TRAPPC8: variants seen among roughly 807,000 people sequenced by gnomAD.
TRAPPC8 encodes trafficking protein particle complex subunit 8.
In TRAPPC8, 54 loss-of-function variants were observed where a neutral mutation model predicts 174.3. The observed-to-expected ratio is 0.31, with a 90% confidence interval of 0.25 to 0.39. The LOEUF (loss-of-function observed/expected upper bound fraction) is 0.39, where lower values mean the gene tolerates loss of function less well. Among genes scored for constraint, TRAPPC8 ranks in the 10% least tolerant of loss-of-function variants. The probability of loss-of-function intolerance (pLI) is 1.00; values close to 1 mark genes in which losing one functional copy is unlikely to be tolerated. For synonymous variants in TRAPPC8, 630 were observed against 579.9 expected, an observed-to-expected ratio of 1.09 and a Z score of -1.24; for missense variants, 1,531 against 1,699.1, an observed-to-expected ratio of 0.90 and a Z score of 1.74.
Position 31,849,704 on chromosome 18 carries a change from A to G in TRAPPC8, c.3597T>C (p.Phe1199=). 2.5e-6 allele frequency: 4 copies of G among 1,610,896 alleles called. No homozygotes were observed. The highest frequency in any genetic ancestry group is 3.4e-6 in the Non-Finnish European group (4 of 1,178,408). Residue 1199 remains phenylalanine (F), a synonymous_variant, in exon 25 of 29, where the codon TTT becomes TTC. Coordinates refer to ENST00000283351, the MANE Select transcript of TRAPPC8 (RefSeq NM_014939.5). ...TCAATTCAGAAGATAAACTTCGATA[A>G]AAGAAGTCTGCACATGGGCTTGCTG... ...ISSASPCADF[F]YRSLSSELKK...
intron 1 of TRAPPC8, among the ~76,000 whole-genome samples, chr18:31,938,956 T>G (rs2038213474): frequency 6.6e-6 from 1 of 152,044 alleles, no homozygotes; most frequent in Non-Finnish European, 1.5e-5. Context: ...GGCACGAGCC[T>G]GTAGTCCCAG....
At chr18:31,872,173 C>T (rs1476770497) in intron 14 of TRAPPC8, among the ~76,000 whole-genome samples, 1 of 152,000 alleles carries the variant, frequency 6.6e-6, no homozygotes, top group Non-Finnish European at 1.5e-5. Flanking sequence ...TTAGCTCCAA[C>T]CCCAGTTATC....
At position 31,857,159 on chromosome 18, in the gene TRAPPC8, A is replaced by T. The variant is rs2034065386; in HGVS notation, c.3188+381T>A. On this transcript the variant is annotated intron_variant, in intron 20 of 28. Transcript: ENST00000283351. The stretch of plus-strand genomic sequence containing the variant: ...GGAACACTAGGGAAAAGGTAAAACA[A>T]AACAATTTTCTTAAAAAAGGATGAC... 2.0e-5 allele frequency among the ~76,000 whole-genome samples: 3 copies of T among 152,134 alleles called. No individual in the cohort carries two copies. The South Asian group carries it at 6.2e-4, about 31-fold the overall frequency.
intron 1 of TRAPPC8, among the ~76,000 whole-genome samples, chr18:31,936,871 C>CAGTCTGG (rs1461003048): frequency 7.9e-6 from 1 of 127,062 alleles, no homozygotes; most frequent in Non-Finnish European, 1.6e-5. Context: ...GACGGCACTG[C>CAGTCTGG]AGTCTGGGTG....
At chr18:31,867,591 G>GATACAGC in intron 16 of TRAPPC8, 115 bp from the exon 17 acceptor site, 2 of 580,924 alleles carry the variant, frequency 3.4e-6, no homozygotes, top group South Asian at 7.3e-5. Context: ...GCATTTACTT[G>GATACAGC]GTTTTTACCA....
intron 26 of TRAPPC8, among the ~76,000 whole-genome samples, chr18:31,841,654 C>A (rs954411025): frequency 5.3e-5 from 8 of 152,116 alleles, no homozygotes; most frequent in African/African-American, 1.9e-4. Flanking sequence ...AATCATATGA[C>A]TTAAAATTAT....
chr18:31,941,856 C>T (rs952085900), intron 1 of TRAPPC8, among the ~76,000 whole-genome samples: 1 of 152,104 alleles, frequency 6.6e-6, no homozygotes, highest in African/African-American at 2.4e-5. Flanking sequence ...ATTATTTTCT[C>T]CTAATAAAAA....
At chr18:31,875,319 A>C (rs879263487) in intron 12 of TRAPPC8, among the ~76,000 whole-genome samples, 5 of 148,920 alleles carry the variant, frequency 3.4e-5, no homozygotes, top group Non-Finnish European at 7.4e-5. Context: ...ATAATATATA[A>C]TAATATATAT....
At chr18:31,880,072 G>A (rs2035343325) in intron 12 of TRAPPC8, among the ~76,000 whole-genome samples, 2 of 85,030 alleles carry the variant, frequency 2.4e-5, no homozygotes, top group Admixed American at 1.4e-4. Flanking sequence ...CAATTTTACT[G>A]AAACTATTGA....
chr18:31,860,606 T>C (rs974104714), intron 19 of TRAPPC8, among the ~76,000 whole-genome samples: 1 of 152,202 alleles, frequency 6.6e-6, no homozygotes, highest in Non-Finnish European at 1.5e-5. Flanking sequence ...TCAAATTCCA[T>C]AAAATATTTC....
chr18:31,881,616 C>T (rs2035457226), intron 12 of TRAPPC8, among the ~76,000 whole-genome samples: 1 of 152,188 alleles, frequency 6.6e-6, no homozygotes, highest in African/African-American at 2.4e-5. Flanking sequence ...TCCTCAAAAG[C>T]AATGCCAACA....
chr18:31,836,289 T>TTTCACATAC (rs1475677230), intron 27 of TRAPPC8, among the ~76,000 whole-genome samples: 2 of 152,054 alleles, frequency 1.3e-5, no homozygotes, highest in African/African-American at 4.8e-5. Flanking sequence ...CCTGCCTTGT[T>TTTCACATAC]TTCACATACT....
chr18:31,832,899 A>G (rs2032461742), intron 27 of TRAPPC8, among the ~76,000 whole-genome samples: 1 of 152,208 alleles, frequency 6.6e-6, no homozygotes, highest in Admixed American at 6.5e-5. Flanking sequence ...AAAGAAGAAA[A>G]AATAGTAACC....
chr18:31,890,519 A>AC (rs888010896), intron 12 of TRAPPC8, among the ~76,000 whole-genome samples: 2 of 152,146 alleles, frequency 1.3e-5, no homozygotes, highest in Non-Finnish European at 2.9e-5. Context: ...AAATAAAAAA[A>AC]CCCCGAGGCT....
chr18:31,864,816 T>G, intron 18 of TRAPPC8, 35 bp from the exon 19 acceptor site: 1 of 1,575,008 alleles, frequency 6.3e-7, no homozygotes, highest in Non-Finnish European at 8.6e-7. Context: ...CTAAAATAAT[T>G]TGGTATGTTA....
At chr18:31,919,438 C>G (rs1480650897) in intron 2 of TRAPPC8, among the ~76,000 whole-genome samples, 2 of 151,324 alleles carry the variant, frequency 1.3e-5, no homozygotes, top group Non-Finnish European at 2.9e-5. Context: ...GGGGCTGAGG[C>G]AGGAGAATCA....
In TRAPPC8 at chr18:31,870,479, A is replaced by C. The variant is rs1354826336; in HGVS notation, c.2281T>G (p.Phe761Val). 2 of 1,612,478 alleles carry C rather than the reference A, an allele frequency of 1.2e-6. No individual in the cohort carries two copies. The highest frequency in any genetic ancestry group is 1.7e-6 in the Non-Finnish European group (2 of 1,179,284). ...AGTAGAACTTTCAAAGGGTTTCTAA[A>C]AGCCACTTCCACTGTAATTGGTTCT... is the stretch of plus-strand genomic sequence containing the variant. ...VEEPITVEVA[F>V]RNPLKVLLLL... Residue 761 changes from phenylalanine (F) to valine (V), a missense_variant, in exon 16 of 29, where the codon TTT becomes GTT. Coordinates refer to ENST00000283351, the MANE Select transcript of TRAPPC8 (RefSeq NM_014939.5).
chr18:31,881,555 C>G (rs2035454134), intron 12 of TRAPPC8, among the ~76,000 whole-genome samples: 1 of 151,914 alleles, frequency 6.6e-6, no homozygotes, highest in Admixed American at 6.6e-5. Flanking sequence ...AGAAGAAAAC[C>G]CAGGAAATAC....
intron 18 of TRAPPC8, among the ~76,000 whole-genome samples, chr18:31,866,257 T>G (rs543679209): frequency 1.3e-5 from 2 of 152,152 alleles, no homozygotes; most frequent in East Asian, 3.8e-4. Flanking sequence ...AATTACATGG[T>G]AATGTTAAAT....
Sources: allele counts gnomAD v4.1 joint callset (sites outside exome capture counted in the v4.1 genomes callset), GRCh38; gene constraint gnomAD v4.1.1; transcripts MANE v1.5; gene names NCBI Gene and HGNC (gene_info 2026-07-23, HGNC 2026-07-21).